RNF182: variants seen among roughly 807,000 people sequenced by gnomAD.
RNF182 encodes the protein ring finger protein 182.
RNF182 carries 15 observed loss-of-function variants against 14.4 expected under a neutral mutation model. That is an observed-to-expected ratio of 1.04 (90% CI 0.70 to 1.60). The LOEUF is 1.60. Ranked by LOEUF, RNF182 falls within the 40% of genes most tolerant of loss-of-function variation. The pLI is 0.00. For synonymous variants in RNF182, 128 were observed against 122.9 expected, an observed-to-expected ratio of 1.04 and a Z score of -0.27; for missense variants, 268 against 294.8, an observed-to-expected ratio of 0.91 and a Z score of 0.67.
chr6:13,935,280 G>A (rs1242599679), intron 1 of RNF182, among the ~76,000 whole-genome samples: 2 of 151,396 alleles, frequency 1.3e-5, no homozygotes, highest in African/African-American at 4.9e-5. Context: ...TAGACTGTAA[G>A]CTCCAACAGG....
chr6:13,939,268 T>G (rs1382596324), intron 1 of RNF182, among the ~76,000 whole-genome samples: 1 of 152,194 alleles, frequency 6.6e-6, no homozygotes, highest in Non-Finnish European at 1.5e-5. Flanking sequence ...TGATTGGAAT[T>G]GCATTGACTG....
chr6:13,956,986 G>A (rs535164085), intron 1 of RNF182, among the ~76,000 whole-genome samples: 1 of 151,646 alleles, frequency 6.6e-6, no homozygotes, highest in East Asian at 2.0e-4. Flanking sequence ...TAAATCACCT[G>A]TCCACTGTGT....
chr6:13,943,282 CT>C (rs79895436), intron 1 of RNF182, among the ~76,000 whole-genome samples: 209 of 142,754 alleles, frequency 1.5e-3, no homozygotes, highest in South Asian at 1.6e-3. Flanking sequence ...GTGGTTCCTG[CT>C]TTTTTTTTTT....
chr6:13,976,268 G>A (rs1249938503), intron 2 of RNF182, among the ~76,000 whole-genome samples: 1 of 152,126 alleles, frequency 6.6e-6, no homozygotes, highest in Non-Finnish European at 1.5e-5. Flanking sequence ...TTTAATGAAT[G>A]TATATGCACA....
intron 1 of RNF182, among the ~76,000 whole-genome samples, chr6:13,959,971 C>T (rs147680927): frequency 1.5e-3 from 229 of 151,164 alleles, no homozygotes; most frequent in African/African-American, 5.0e-3. Context: ...CAAGCAAGGG[C>T]TAGGGAGTTC....
At chr6:13,975,138 G>C (rs963172104) in intron 2 of RNF182, among the ~76,000 whole-genome samples, 2 of 152,176 alleles carry the variant, frequency 1.3e-5, no homozygotes, top group African/African-American at 4.8e-5. Flanking sequence ...GCTGGGGACT[G>C]TCCCATGAAG....
chr6:13,933,476 A>G (rs1217224582), intron 1 of RNF182, among the ~76,000 whole-genome samples: 4 of 151,978 alleles, frequency 2.6e-5, no homozygotes, highest in Non-Finnish European at 5.9e-5. Context: ...ATGAGCCATG[A>G]TTATTCCACT....
chr6:13,962,517 G>A (rs1292985954), intron 1 of RNF182, among the ~76,000 whole-genome samples: 1 of 152,208 alleles, frequency 6.6e-6, no homozygotes, highest in Non-Finnish European at 1.5e-5. Context: ...TGTTTGAAGA[G>A]TGATTCTCCA....
chr6:13,933,363 A>G (rs1410118821), intron 1 of RNF182, among the ~76,000 whole-genome samples: 1 of 152,082 alleles, frequency 6.6e-6, no homozygotes, highest in Non-Finnish European at 1.5e-5. Context: ...AAAAAATGCA[A>G]AAATTAGCTG....
At chr6:13,961,868 G>A (rs141634710) in intron 1 of RNF182, among the ~76,000 whole-genome samples, 64 of 152,164 alleles carry the variant, frequency 4.2e-4, no homozygotes, top group South Asian at 2.1e-4. Flanking sequence ...GGGTATTGTG[G>A]GTTAAATTCT....
rs1301169962 is a variant in RNF182, at chr6:13,960,687, GTGTGT to G, written c.-366-13522_-366-13518del. ...TGTGTGTGTGTGTGTGTGTGTGTGT[GTGTGT>G]GCGCGCGTGCACATGCATGTGATGT... On this transcript the variant is annotated intron_variant, in intron 1 of 2. Coordinates refer to ENST00000488300, the MANE Select transcript of RNF182 (RefSeq NM_152737.4). 2.6e-4 allele frequency among the ~76,000 whole-genome samples: 30 copies of G among 115,902 alleles called. 1 individual carries two copies. Among genetic ancestry groups the G allele is most frequent in the Admixed American group, 1.7e-3 (20 of 11,472 alleles). 76.0% of individuals were successfully genotyped at this position (115,902 alleles called of 152,430 possible).
intron 1 of RNF182, among the ~76,000 whole-genome samples, chr6:13,943,602 C>A (rs1290974356): frequency 6.6e-6 from 1 of 152,086 alleles, no homozygotes; most frequent in Admixed American, 6.6e-5. Context: ...CTGTGAATTA[C>A]AAATTTTTTG....
intron 1 of RNF182, among the ~76,000 whole-genome samples, chr6:13,971,566 G>T (rs1052723287): frequency 4.6e-5 from 7 of 152,210 alleles, no homozygotes; most frequent in Admixed American, 1.3e-4. Flanking sequence ...ACAGACAGAG[G>T]TTGGAACAGT....
At chr6:13,948,060 C>A (rs1210388226) in intron 1 of RNF182, among the ~76,000 whole-genome samples, 1 of 152,130 alleles carries the variant, frequency 6.6e-6, no homozygotes, top group East Asian at 1.9e-4. Context: ...TTTCTTGACT[C>A]TGAAAAACAA....
At chr6:13,976,840 A>G (rs1188803142) in intron 2 of RNF182, 69 bp from the exon 3 acceptor site, 1 of 370,534 alleles carries the variant, frequency 2.7e-6, no homozygotes, top group East Asian at 4.3e-5. Context: ...AAAATTCCAT[A>G]AAGCACTTTT....
chr6:13,941,252 T>C (rs563208686), intron 1 of RNF182, among the ~76,000 whole-genome samples: 22 of 152,252 alleles, frequency 1.4e-4, no homozygotes, highest in Non-Finnish European at 2.4e-4. Context: ...ATTGGATATA[T>C]ACAAACTTAT....
intron 1 of RNF182, among the ~76,000 whole-genome samples, chr6:13,948,846 TCTC>T (rs752745116): frequency 5.9e-5 from 9 of 152,146 alleles, no homozygotes; most frequent in Non-Finnish European, 1.3e-4. Flanking sequence ...GTCTCTTTTC[TCTC>T]CTTTCTTTTT....
At chr6:13,937,559 A>G (rs76462557) in intron 1 of RNF182, among the ~76,000 whole-genome samples, 2,239 of 152,326 alleles carry the variant, frequency 0.015, 56 homozygotes, top group African/African-American at 0.05. Flanking sequence ...CACAATTTTT[A>G]AAATCATTTA....
At chr6:13,957,045 C>T (rs1037168397) in intron 1 of RNF182, among the ~76,000 whole-genome samples, 12 of 152,146 alleles carry the variant, frequency 7.9e-5, no homozygotes, top group Non-Finnish European at 1.6e-4. Context: ...AGGAATCTGT[C>T]AGAGGTATTC....
Sources: allele counts gnomAD v4.1 joint callset (sites outside exome capture counted in the v4.1 genomes callset), GRCh38; gene constraint gnomAD v4.1.1; transcripts MANE v1.5; gene names NCBI Gene and HGNC (gene_info 2026-07-23, HGNC 2026-07-21).